APMAP: variants seen among roughly 807,000 people sequenced by gnomAD.
APMAP encodes the protein adipocyte plasma membrane-associated protein.
Under a neutral mutation model 43.6 loss-of-function variants are expected in APMAP, and 33 were observed. That is an observed-to-expected ratio of 0.76 (90% CI 0.57 to 1.01). The LOEUF is 1.01. Ranked by LOEUF, APMAP falls within the 50% of genes least tolerant of loss-of-function variation. APMAP has a pLI of 0.00. For missense variants in APMAP, 498 were observed against 540.7 expected (o/e 0.92, Z 0.78); for synonymous variants, 224 against 216.7 (o/e 1.03, Z -0.30).
chr20:24,991,442 G>C (rs1308287864), intron 1 of APMAP, among the ~76,000 whole-genome samples: 1 of 152,210 alleles, frequency 6.6e-6, no homozygotes, highest in Non-Finnish European at 1.5e-5. Context: ...ATATATGGGA[G>C]CATCTTCCCG....
rs372803829 is a variant in APMAP, at chr20:24,969,030, C to T, written c.903G>A (p.Met301Ile). 1.1e-4 allele frequency: 179 copies of T among 1,613,796 alleles called. No individual in the cohort carries two copies. The highest frequency in any genetic ancestry group is 1.6e-4 in the Middle Eastern group (1 of 6,078). Residue 301 changes from methionine (M) to isoleucine (I), a missense_variant, in exon 8 of 9, where the codon ATG (methionine) becomes ATA (isoleucine). Coordinates refer to ENST00000217456, the MANE Select transcript of APMAP (RefSeq NM_020531.3). ...GCCGGATGTTGTCTGGAAATCCAGG[C>T]ATGTTCTCCACAAACAGATCAGCCC... ...KGGADLFVEN[M>I]PGFPDNIRPS...
At chr20:24,973,251 C>T (rs1201547959) in intron 4 of APMAP, among the ~76,000 whole-genome samples, 7 of 152,184 alleles carry the variant, frequency 4.6e-5, no homozygotes, top group African/African-American at 1.7e-4. Context: ...ATTCCTGAGA[C>T]CAAGGCAGAA....
At chr20:24,981,143 G>T (rs1043416003) in intron 2 of APMAP, among the ~76,000 whole-genome samples, 1 of 152,206 alleles carries the variant, frequency 6.6e-6, no homozygotes, top group Non-Finnish European at 1.5e-5. Flanking sequence ...AAATCACCAG[G>T]AAGGCTGCAG....
intron 8 of APMAP, among the ~76,000 whole-genome samples, chr20:24,964,851 C>T (rs1199779178): frequency 6.6e-6 from 1 of 152,092 alleles, no homozygotes; most frequent in Non-Finnish European, 1.5e-5. Flanking sequence ...TGGAAATGTT[C>T]AAGCAGACAG....
intron 2 of APMAP, among the ~76,000 whole-genome samples, chr20:24,980,765 G>A (rs1034083899): frequency 2.0e-4 from 31 of 151,364 alleles, no homozygotes; most frequent in African/African-American, 6.3e-4. Flanking sequence ...TACCAGCTTC[G>A]CTCGGCCTCG....
rs1452238294 is a variant in APMAP at position 24,963,974 on chromosome 20, C to T, written c.1090G>A (p.Val364Ile). The change falls in exon 9 of 9, where the codon GTC (valine) becomes ATC (isoleucine). Residue 364 changes from valine to isoleucine, a missense_variant. Val to Ile is a conservative substitution (Grantham distance 29). Coordinates refer to ENST00000217456, the MANE Select transcript of APMAP (RefSeq NM_020531.3). ...VMKFVPRYSL[V>I]LELSDSGAFR... The stretch of plus-strand genomic sequence containing the variant: ...GCACCGCTGTCGCTGAGTTCTAGGA[C>T]GAGGCTGTACCGCGGCACAAACTTC... The T allele has an allele frequency of 1.1e-5, 18 of 1,614,070 alleles. 1 individual carries two copies. Among genetic ancestry groups the T allele is most frequent in the South Asian group, 8.8e-5 (8 of 91,092 alleles).
chr20:24,979,832 C>T (rs920971813), intron 2 of APMAP, among the ~76,000 whole-genome samples: 1 of 152,140 alleles, frequency 6.6e-6, no homozygotes, highest in Non-Finnish European at 1.5e-5. Context: ...TTCTGCATCC[C>T]TCACACCAGC....
At chr20:24,980,434 C>T (rs551520921) in intron 2 of APMAP, among the ~76,000 whole-genome samples, 14 of 152,308 alleles carry the variant, frequency 9.2e-5, no homozygotes, top group African/African-American at 3.1e-4. Context: ...CGCTCGGCCT[C>T]GGTCACCTCA....
chr20:24,972,612 T>C (rs2088015334), intron 4 of APMAP, among the ~76,000 whole-genome samples: 1 of 151,716 alleles, frequency 6.6e-6, no homozygotes, highest in African/African-American at 2.4e-5. Flanking sequence ...CACTGTGGGG[T>C]GCTCACTACA....
At chr20:24,964,429 A>G (rs1400650698) in intron 8 of APMAP, 5 of 443,518 alleles carry the variant, frequency 1.1e-5, no homozygotes, top group Non-Finnish European at 2.3e-5. Context: ...GTTTAGATTT[A>G]AAACATTTCA....
At chr20:24,976,160 A>G (rs2088048698) in intron 3 of APMAP, among the ~76,000 whole-genome samples, 1 of 152,248 alleles carries the variant, frequency 6.6e-6, no homozygotes, top group African/African-American at 2.4e-5. Context: ...TTTTAGATAT[A>G]AAACCAAGGT....
chr20:24,989,893 G>C (rs1351537569), intron 1 of APMAP, among the ~76,000 whole-genome samples: 1 of 152,134 alleles, frequency 6.6e-6, no homozygotes, highest in African/African-American at 2.4e-5. Flanking sequence ...GAGGAAAAAG[G>C]AAAATGGACC....
At chr20:24,974,941 CA>C (rs2088037960) in intron 3 of APMAP, among the ~76,000 whole-genome samples, 1 of 152,122 alleles carries the variant, frequency 6.6e-6, no homozygotes, top group East Asian at 1.9e-4. Context: ...ATCATATCAA[CA>C]GATACAGAAA....
Position 24,983,922 on chromosome 20 carries a change from T to TA in APMAP, c.192dup (p.Ile65TyrfsTer32). The stretch of plus-strand genomic sequence containing the variant: ...GCCTACCTGAGAGGCTGTGGATCTA[T>TA]AGGAGATTCCAGCAGCATCATGGCT... On this transcript the variant is annotated frameshift_variant, in exon 2 of 9. Transcript: ENST00000217456. LOFTEE classifies it high-confidence loss of function. 2 of 1,612,666 alleles carry TA rather than the reference T, an allele frequency of 1.2e-6. No homozygotes were observed. The highest frequency in any genetic ancestry group is 1.7e-6 in the Non-Finnish European group (2 of 1,178,768).
chr20:24,975,497 T>C (rs6036999), intron 3 of APMAP, among the ~76,000 whole-genome samples: 13,665 of 152,208 alleles, frequency 0.09, 695 homozygotes, highest in Middle Eastern at 0.12. Flanking sequence ...TGAGGAAAAC[T>C]AGAATATTCT....
chr20:24,986,394 G>T (rs1041702535), intron 1 of APMAP, among the ~76,000 whole-genome samples: 3 of 152,192 alleles, frequency 2.0e-5, no homozygotes, highest in African/African-American at 4.8e-5. Flanking sequence ...GGCCAAGGGA[G>T]CCCAGCTCCT....
intron 8 of APMAP, among the ~76,000 whole-genome samples, chr20:24,968,616 C>CCAGAAA (rs11474746): frequency 0.47 from 70,405 of 151,026 alleles, 17,731 homozygotes; most frequent in East Asian, 0.92. Context: ...ATCAAAACAC[C>CCAGAAA]CAGAAACAGG....
At chr20:24,972,860 G>A (rs1371468723) in intron 4 of APMAP, among the ~76,000 whole-genome samples, 6 of 151,810 alleles carry the variant, frequency 4.0e-5, no homozygotes, top group African/African-American at 1.4e-4. Context: ...GCTTATTGCA[G>A]GGTGTTCACT....
chr20:24,976,287 C>T (rs2122506425), intron 3 of APMAP, among the ~76,000 whole-genome samples: 1 of 152,220 alleles, frequency 6.6e-6, no homozygotes, highest in East Asian at 1.9e-4. Context: ...TATTGGCAAA[C>T]AACATGTCTG....
Sources: gnomAD v4.1 joint callset for allele counts (sites outside exome capture counted in the v4.1 genomes callset) on GRCh38, gnomAD v4.1.1 for gene constraint, MANE v1.5 for transcripts, NCBI Gene and HGNC (gene_info 2026-07-23, HGNC 2026-07-21) for gene names.